Variants in DCP2 observed in about 807,000 individuals in gnomAD.
DCP2 encodes the protein m7GpppN-mRNA hydrolase.
DCP2 carries 30 observed loss-of-function variants against 56.1 expected under a neutral mutation model. The observed-to-expected ratio is 0.53, with a 90% CI of 0.40 to 0.73. The LOEUF (loss-of-function observed/expected upper bound fraction) is 0.73, where lower values mean the gene tolerates loss of function less well. Among genes scored for constraint, DCP2 ranks in the 30% least tolerant of loss-of-function variants. DCP2 has a pLI of 0.00. For synonymous variants in DCP2, 197 were observed against 163.3 expected (o/e 1.21, Z -1.57); for missense variants, 533 against 502.7 (o/e 1.06, Z -0.58).
Position 113,010,773 on chromosome 5 carries a change from TCATC to T in DCP2, c.1068_1071del (p.Pro357GlyfsTer24), listed in dbSNP as rs1377529024. ...TTAAATAGAAGTGTGAAAAGAAACT[TCATC>T]CACGGAAACTTCAGGATAATTTTGA... is the stretch of plus-strand genomic sequence containing the variant. On this transcript the variant is annotated frameshift_variant, in exon 10 of 11. Transcript: ENST00000389063. LOFTEE classifies it high-confidence loss of function. 3.1e-6 allele frequency: 5 copies of T among 1,596,078 alleles called. No individual in the cohort carries two copies. The highest frequency in any genetic ancestry group is 2.7e-5 in the African/African-American group (2 of 73,712).
At position 113,016,831 on chromosome 5, in the gene DCP2, C is replaced by A. The variant is rs1038220075; in HGVS notation, c.*3347C>A. 2 of 144,954 alleles carry A rather than the reference C, an allele frequency of 1.4e-5. No homozygotes were observed. The highest frequency in any genetic ancestry group is 2.5e-5 in the African/African-American group (1 of 39,580). The allele number at this position is 144,954 out of a possible 1,614,324, so 9.0% of individuals were successfully genotyped here. A position where few individuals can be genotyped will look rare whatever the true frequency, so the allele number is the denominator to read the frequency against. ...CCAAGTTAGTTTTCTTACCACAATA[C>A]CCTCTTGGCTTTTTTTTTTTTTTTT... is the stretch of plus-strand genomic sequence containing the variant. On this transcript the variant is annotated 3_prime_UTR_variant, in exon 11 of 11. Coordinates refer to ENST00000389063, the MANE Select transcript of DCP2 (RefSeq NM_152624.6).
intron 7 of DCP2, among the ~76,000 whole-genome samples, chr5:113,002,866 G>T (rs936914494): frequency 1.2e-4 from 18 of 152,088 alleles, no homozygotes; most frequent in African/African-American, 4.1e-4. Context: ...TACAGAGTAG[G>T]CTGGGAAAGT....
At position 113,019,687 on chromosome 5, in the gene DCP2, TAA is replaced by T. The variant is rs1008595711; in HGVS notation, c.*6208_*6209del. 7.2e-5 allele frequency: 11 copies of T among 152,248 alleles called. No homozygotes were observed. Among genetic ancestry groups the T allele is most frequent in the Admixed American group, 6.5e-5 (1 of 15,286 alleles). 9.4% of individuals were successfully genotyped at this position (152,248 alleles called of 1,614,324 possible). A position where few individuals can be genotyped will look rare whatever the true frequency, so the allele number is the denominator to read the frequency against. On this transcript the variant is annotated 3_prime_UTR_variant, in exon 11 of 11. Transcript: ENST00000389063. ...AACTATTTTGCTTTATGTCTGTTTT[TAA>T]AAAATAATTGTTTTGAAGTTTGCTT...
rs1344451939 is a variant in DCP2 at position 112,992,191 on chromosome 5, A to G, written c.276A>G (p.Glu92=). The G allele has an allele frequency of 3.1e-6, 5 of 1,614,084 alleles. No homozygotes were observed. In the Admixed American group the frequency reaches 5.0e-5, roughly 16 times the overall value. The change falls in exon 3 of 11, where the codon GAA becomes GAG. Residue 92 remains glutamate (E), a synonymous_variant. Coordinates refer to ENST00000389063, the MANE Select transcript of DCP2 (RefSeq NM_152624.6). ...DVEKVLDEWK[E]YKMGVPTYGA... is the part of the protein sequence containing the mutation. ...AAAAAGTTTTGGATGAATGGAAGGAATATAAAATGGGAGTACCAACATATG... is the reference window on the plus strand; with the variant it reads ...AAAAAGTTTTGGATGAATGGAAGGAGTATAAAATGGGAGTACCAACATATG...
intron 1 of DCP2, chr5:112,984,103 G>T: frequency 6.6e-6 from 1 of 152,332 alleles, no homozygotes. Context: ...GGGCAGTGTA[G>T]AGTTGACAGA....
intron 1 of DCP2, among the ~76,000 whole-genome samples, chr5:112,985,477 T>A (rs1240695692): frequency 2.0e-5 from 3 of 152,238 alleles, no homozygotes; most frequent in Admixed American, 2.0e-4. Context: ...GCAAACATTT[T>A]AAAATTGTAT....
At position 113,013,338 on chromosome 5, in the gene DCP2, C is replaced by A. The variant is rs754218987; in HGVS notation, c.1117C>A (p.Pro373Thr). Reference protein sequence around the residue: ...NFETDAVYDLPSSSEDQLLEH... With the variant: ...NFETDAVYDLTSSSEDQLLEH... ...TTAAACAGATGCTGTATATGACTTG[C>A]CTAGCTCCAGTGAAGACCAGTTGCT... The change falls in exon 11 of 11, where the codon CCT (proline) becomes ACT (threonine). Residue 373 changes from proline to threonine, a missense_variant. Around this residue, in one of 3 missense-constraint regions of DCP2, gnomAD observed 392 missense variants for 346.6 expected, o/e 1.13. Transcript: ENST00000389063. 5.0e-6 allele frequency: 8 copies of A among 1,613,878 alleles called. No homozygotes were observed. Among genetic ancestry groups the A allele is most frequent in the Non-Finnish European group, 6.8e-6 (8 of 1,179,930 alleles).
At chr5:113,006,258 TAG>T (rs1280898748) in intron 8 of DCP2, among the ~76,000 whole-genome samples, 14 of 152,040 alleles carry the variant, frequency 9.2e-5, no homozygotes, top group African/African-American at 2.9e-4. Flanking sequence ...GGCAAATTCA[TAG>T]AGACACAAAG....
In DCP2 at chr5:112,992,175, T is replaced by C. The variant is rs895033435; in HGVS notation, c.260T>C (p.Leu87Ser). 6.2e-7 allele frequency: 1 copy of C among 1,614,076 alleles called. No individual in the cohort carries two copies. The highest frequency in any genetic ancestry group is 1.3e-5 in the African/African-American group (1 of 75,058). ...CAAGGTGAAGATGTGGAAAAAGTTTTGGATGAATGGAAGGAATATAAAATG... is the reference window on the plus strand; with the variant it reads ...CAAGGTGAAGATGTGGAAAAAGTTTCGGATGAATGGAAGGAATATAAAATG... ...LPQGEDVEKV[L>S]DEWKEYKMGV... The change falls in exon 3 of 11, where the codon TTG becomes TCG. Residue 87 changes from leucine to serine, a missense_variant. Around this residue, in one of 3 missense-constraint regions of DCP2, gnomAD observed 137 missense variants for 138.2 expected, o/e 0.99. Coordinates refer to ENST00000389063, the MANE Select transcript of DCP2 (RefSeq NM_152624.6).
At chr5:113,012,127 C>T (rs951127550) in intron 10 of DCP2, among the ~76,000 whole-genome samples, 1 of 152,094 alleles carries the variant, frequency 6.6e-6, no homozygotes, top group South Asian at 2.1e-4. Flanking sequence ...CTTTTAAAAG[C>T]CGTATATTCA....
In DCP2 at chr5:113,017,684, G is replaced by A. The variant is rs1749945395; in HGVS notation, c.*4200G>A. On this transcript the variant is annotated 3_prime_UTR_variant, in exon 11 of 11. Transcript: ENST00000389063. ...ATAGAATCAAAGTGTCCTGAAGGGA[G>A]AAGAATAGCTATAGTTGCTGGGCAA... is the stretch of plus-strand genomic sequence containing the variant. 2 of 152,142 alleles carry A rather than the reference G, an allele frequency of 1.3e-5. No homozygotes were observed. Among genetic ancestry groups the A allele is most frequent in the Non-Finnish European group, 2.9e-5 (2 of 68,028 alleles). The allele number at this position is 152,142 out of a possible 1,614,324, so 9.4% of individuals were successfully genotyped here.
intron 8 of DCP2, among the ~76,000 whole-genome samples, chr5:113,005,020 G>T (rs1055780796): frequency 6.6e-6 from 1 of 151,866 alleles, no homozygotes; most frequent in African/African-American, 2.4e-5. Context: ...AGCTACTCTA[G>T]ATAGAGCCCG....
chr5:112,979,111 G>T (rs888971921), intron 1 of DCP2, among the ~76,000 whole-genome samples: 2 of 143,710 alleles, frequency 1.4e-5, no homozygotes, highest in African/African-American at 5.7e-5. Context: ...AAAGATAGTT[G>T]GTTTTCCAGT....
chr5:112,977,032 G>C (rs749374872), intron 1 of DCP2, 46 bp downstream of exon 1: 4 of 1,448,618 alleles, frequency 2.8e-6, no homozygotes, highest in Non-Finnish European at 3.7e-6. Context: ...GGTTTTCTCA[G>C]TTTCGCGGAC....
At chr5:112,986,422 C>T (rs540627027) in intron 2 of DCP2, among the ~76,000 whole-genome samples, 37 of 151,750 alleles carry the variant, frequency 2.4e-4, no homozygotes, top group African/African-American at 6.0e-4. Flanking sequence ...ACTGTATTCT[C>T]GAGCTCCTGC....
chr5:112,995,979 T>G (rs950055642), intron 4 of DCP2, among the ~76,000 whole-genome samples: 10 of 152,218 alleles, frequency 6.6e-5, no homozygotes, highest in African/African-American at 2.4e-4. Context: ...CTGGTGTCTC[T>G]TCCTCTTGTA....
rs374218482 is a variant in DCP2 at position 113,004,058 on chromosome 5, C to G, written c.923C>G (p.Ser308Cys). Residue 308 changes from serine to cysteine, a missense_variant, in exon 8 of 11, where the codon TCT becomes TGT. Ser to Cys is a moderately radical substitution (Grantham distance 112, BLOSUM62 -1). Around this residue, in one of 3 missense-constraint regions of DCP2, gnomAD observed 392 missense variants for 346.6 expected, o/e 1.13. Transcript: ENST00000389063. The part of the protein sequence containing the change: ...QKPYNNHSEM[S>C]DLLKGKNQSM... The stretch of plus-strand genomic sequence containing the variant: ...CCATATAATAATCATTCTGAAATGT[C>G]TGACCTTTTAAAAGGAAAGGTGAGT... 5.6e-6 allele frequency: 9 copies of G among 1,613,688 alleles called. No individual in the cohort carries two copies. The highest frequency in any genetic ancestry group is 1.3e-5 in the African/African-American group (1 of 74,906).
rs746565006 is a variant in DCP2 at position 113,001,161 on chromosome 5, G to A, written c.510G>A (p.Gln170=). Residue 170 remains glutamine, a synonymous_variant, in exon 5 of 11, where the codon CAG becomes CAA. Coordinates refer to ENST00000389063, the MANE Select transcript of DCP2 (RefSeq NM_152624.6). Reference sequence around the variant, plus strand: ...ACATTGAACTTCGAATCAATGACCAGCTTGCTCGTTTGTACATCATTCCAG... The same window carrying A: ...ACATTGAACTTCGAATCAATGACCAACTTGCTCGTTTGTACATCATTCCAG... ...DDYIELRIND[Q]LARLYIIPGI... is the part of the protein sequence containing the mutation. The A allele has an allele frequency of 6.8e-6, 11 of 1,613,840 alleles. No homozygotes were observed. The highest frequency in any genetic ancestry group is 6.7e-5 in the Admixed American group (4 of 59,988).
At chr5:112,987,200 AAG>A (rs1340089082) in intron 2 of DCP2, among the ~76,000 whole-genome samples, 3 of 152,212 alleles carry the variant, frequency 2.0e-5, no homozygotes, top group Non-Finnish European at 4.4e-5. Context: ...TTGGAAAAAA[AAG>A]TGGAAATATT....
Sources: gnomAD v4.1 joint callset for allele counts (sites outside exome capture counted in the v4.1 genomes callset) on GRCh38, gnomAD v4.1.1 for gene constraint, gnomAD v4.1.1 regional missense constraint, MANE v1.5 for transcripts, NCBI Gene and HGNC (gene_info 2026-07-23, HGNC 2026-07-21) for gene names.